EVC2: variants seen among roughly 807,000 people sequenced by gnomAD.
EVC2 encodes the protein EvC ciliary complex subunit 2.
EVC2 carries 148 observed loss-of-function variants against 149.3 expected under a neutral mutation model. The ratio of observed to expected loss-of-function variants is 0.99; its 90% CI spans 0.87 to 1.14. The LOEUF is 1.14. EVC2 is among the 50% of genes most tolerant of loss of function. The pLI is 0.00. For synonymous variants in EVC2, 776 were observed against 649.9 expected (o/e 1.19, Z -2.95); for missense variants, 1,854 against 1,627.3 (o/e 1.14, Z -2.40).
chr4:5,706,569 G>A (rs1354399940), intron 1 of EVC2, among the ~76,000 whole-genome samples: 1 of 151,754 alleles, frequency 6.6e-6, no homozygotes, highest in African/African-American at 2.4e-5. Context: ...CTGTGCCTTC[G>A]GGAACTGTGC....
At chr4:5,593,902 C>T (rs554611511) in intron 16 of EVC2, among the ~76,000 whole-genome samples, 95 of 152,334 alleles carry the variant, frequency 6.2e-4, no homozygotes, top group Middle Eastern at 3.4e-3. Flanking sequence ...TAAAAAACGA[C>T]GCACCAGGAG....
the EVC2 span, among the ~76,000 whole-genome samples, chr4:5,534,774 T>C: frequency 6.9e-6 from 1 of 145,632 alleles, no homozygotes; most frequent in Non-Finnish European, 1.5e-5. Flanking sequence ...TGGTTTTTCC[T>C]CTGCAGTTCA....
chr4:5,694,106 C>T lies in EVC2; in HGVS notation c.450+229G>A, dbSNP rs371166768. 8.5e-4 allele frequency among the ~76,000 whole-genome samples: 130 copies of T among 152,348 alleles called. 1 individual carries two copies. The highest frequency in any genetic ancestry group is 6.8e-3 in the Middle Eastern group (2 of 294). ...CTTCAGAAACACCAGATGAGGCAGC[C>T]TAATGCTGAGTCAAACCTCCTCTCC... On this transcript the variant is annotated intron_variant, in intron 3 of 21. Coordinates refer to ENST00000344408, the MANE Select transcript of EVC2 (RefSeq NM_147127.5).
chr4:5,558,829 A>G (rs1280153532), downstream of EVC2, among the ~76,000 whole-genome samples: 1 of 152,182 alleles, frequency 6.6e-6, no homozygotes, highest in African/African-American at 2.4e-5. Context: ...TGCTCCACAT[A>G]TGTACTGGAA....
intron 16 of EVC2, among the ~76,000 whole-genome samples, chr4:5,605,435 C>T (rs1714311314): frequency 6.6e-6 from 1 of 152,104 alleles, no homozygotes. Flanking sequence ...GGGGTCAGCA[C>T]CCCAACCCCC....
At chr4:5,623,423 T>C (rs1715877793) in intron 13 of EVC2, among the ~76,000 whole-genome samples, 1 of 152,112 alleles carries the variant, frequency 6.6e-6, no homozygotes, top group African/African-American at 2.4e-5. Flanking sequence ...CATTGCAACC[T>C]CCACCTCCCA....
At chr4:5,651,341 G>A (rs1189516158) in intron 9 of EVC2, among the ~76,000 whole-genome samples, 1 of 152,112 alleles carries the variant, frequency 6.6e-6, no homozygotes, top group East Asian at 1.9e-4. Flanking sequence ...ATAGGTGGAT[G>A]AGTAGATAGG....
intron 7 of EVC2, among the ~76,000 whole-genome samples, chr4:5,669,664 T>C (rs1386683431): frequency 2.6e-5 from 4 of 152,240 alleles, no homozygotes; most frequent in Admixed American, 1.3e-4. Flanking sequence ...GAAGTGGAAG[T>C]GGACAGGTGA....
At chr4:5,533,995 G>GAGGC in the EVC2 span, among the ~76,000 whole-genome samples, 1 of 152,198 alleles carries the variant, frequency 6.6e-6, no homozygotes, top group African/African-American at 2.4e-5. Context: ...AGGGAGCCAA[G>GAGGC]AGGCATATCC....
chr4:5,630,594 T>C (rs1319844195), intron 11 of EVC2, among the ~76,000 whole-genome samples: 4 of 152,116 alleles, frequency 2.6e-5, no homozygotes, highest in African/African-American at 7.2e-5. Context: ...AAAAATGAAA[T>C]AGCAGTGTCC....
At chr4:5,536,283 T>C in the EVC2 span, among the ~76,000 whole-genome samples, 1 of 152,140 alleles carries the variant, frequency 6.6e-6, no homozygotes, top group East Asian at 1.9e-4. Flanking sequence ...CCAAGAGATA[T>C]TTAAAGAGCT....
intron 9 of EVC2, among the ~76,000 whole-genome samples, chr4:5,641,499 G>A (rs530205496): frequency 7.1e-4 from 108 of 152,248 alleles, no homozygotes; most frequent in African/African-American, 2.1e-3. Flanking sequence ...TTGAAAATGC[G>A]AGGTAGTTCG....
At chr4:5,648,195 TG>T (rs1212434683) in intron 9 of EVC2, among the ~76,000 whole-genome samples, 1 of 152,256 alleles carries the variant, frequency 6.6e-6, no homozygotes, top group Admixed American at 6.5e-5. Context: ...CTAGCTATTC[TG>T]AAATGTGCAA....
chr4:5,697,201 G>T (rs1330373232), intron 2 of EVC2, among the ~76,000 whole-genome samples: 1 of 152,238 alleles, frequency 6.6e-6, no homozygotes, highest in Non-Finnish European at 1.5e-5. Context: ...ACTTTGCCCA[G>T]TGAAACTGAT....
At chr4:5,579,019 G>A (rs1438869122) in intron 17 of EVC2, among the ~76,000 whole-genome samples, 1 of 152,166 alleles carries the variant, frequency 6.6e-6, no homozygotes, top group Non-Finnish European at 1.5e-5. Flanking sequence ...AATGCTCAGG[G>A]GGCAGCAAGA....
intron 9 of EVC2, among the ~76,000 whole-genome samples, chr4:5,647,303 C>T (rs1428804756): frequency 1.3e-5 from 2 of 152,172 alleles, no homozygotes; most frequent in Non-Finnish European, 2.9e-5. Context: ...AGACCCCTGC[C>T]TCTGCATAGT....
intron 21 of EVC2, among the ~76,000 whole-genome samples, chr4:5,556,114 G>A (rs1721834047): frequency 6.9e-6 from 1 of 144,224 alleles, no homozygotes; most frequent in Admixed American, 7.3e-5. Context: ...AGGAGCCAGA[G>A]GTTGCAGTGA....
At chr4:5,535,837 G>A in the EVC2 span, among the ~76,000 whole-genome samples, 6 of 152,014 alleles carry the variant, frequency 3.9e-5, no homozygotes, top group Non-Finnish European at 5.9e-5. The surrounding 1 kb of genome is among the most constrained non-coding windows in gnomAD (Gnocchi z 4.7). Flanking sequence ...TCATTAGGAG[G>A]GATATTTTCC....
rs138671637 is a variant in EVC2, at chr4:5,695,740, T to C, written c.284-1239A>G. ...GGCATTGTGCCTTCTTCAACATTTG[T>C]CTTTTATTCAAATACAAACTAATTT... On this transcript the variant is annotated intron_variant, in intron 2 of 21. Transcript: ENST00000344408. 9.2e-5 allele frequency among the ~76,000 whole-genome samples: 14 copies of C among 152,374 alleles called. No individual in the cohort carries two copies. The East Asian group carries it at 2.5e-3, about 27-fold the overall frequency.
Sources: gnomAD v4.1 joint callset for allele counts (sites outside exome capture counted in the v4.1 genomes callset) on GRCh38, gnomAD v4.1.1 for gene constraint, Gnocchi (gnomAD v3.1) non-coding constraint, MANE v1.5 for transcripts, NCBI Gene and HGNC (gene_info 2026-07-23, HGNC 2026-07-21) for gene names.